The following EMP2 variants were observed in gnomAD, a reference collection of about 807,000 sequenced individuals.
EMP2 encodes the protein epithelial membrane protein 2.
In EMP2, 19 loss-of-function variants were observed where a neutral mutation model predicts 13.7. The ratio of observed to expected loss-of-function variants is 1.38; its 90% CI spans 0.97 to 2.03. EMP2 has a LOEUF of 2.03. EMP2 is among the 30% of genes most tolerant of loss of function. EMP2 has a pLI of 0.00. For synonymous variants in EMP2, 97 were observed against 84.7 expected (o/e 1.15, Z -0.80); for missense variants, 253 against 220.7 (o/e 1.15, Z -0.93).
rs538793925 is a variant in EMP2, at chr16:10,554,684, A to G, written c.-60-7007T>C. On this transcript the variant is annotated intron_variant, in intron 1 of 4. Transcript: ENST00000359543. The stretch of plus-strand genomic sequence containing the variant: ...AAATACAGATCCATCTCCTTCCCCC[A>G]CCACACCCCAACCCCTATGCCTGCC... Among the ~76,000 whole-genome samples, 46 of 151,914 alleles carry G rather than the reference A, an allele frequency of 3.0e-4. No individual in the cohort carries two copies. In the South Asian group the frequency reaches 9.6e-3, roughly 32 times the overall value.
chr16:10,547,512 T>G (rs1292528918), intron 2 of EMP2, 28 bp downstream of exon 2: 1 of 1,613,272 alleles, frequency 6.2e-7, no homozygotes. Context: ...CCCAGGTTTC[T>G]GCGTGAGTGG....
intron 4 of EMP2, among the ~76,000 whole-genome samples, chr16:10,536,787 A>AT (rs992893650): frequency 6.6e-6 from 1 of 151,798 alleles, no homozygotes; most frequent in South Asian, 2.1e-4. Flanking sequence ...TGCTTGGCTA[A>AT]TTTTTTTTCT....
In EMP2 at chr16:10,532,751, C is replaced by CTTTTTTT. The variant is rs375278523; in HGVS notation, c.*153_*154insAAAAAAA. 5.0e-6 allele frequency: 1 copy of CTTTTTTT among 199,578 alleles called. No homozygotes were observed. Among genetic ancestry groups the CTTTTTTT allele is most frequent in the African/African-American group, 7.2e-5 (1 of 13,812 alleles). 12.4% of individuals were successfully genotyped at this position (199,578 alleles called of 1,614,324 possible). On this transcript the variant is annotated 3_prime_UTR_variant, in exon 5 of 5. Coordinates refer to ENST00000359543, the MANE Select transcript of EMP2 (RefSeq NM_001424.6). Reference sequence around the variant, plus strand: ...CTTCTCTCTTTTGGATTTTTTTTTTCTTTTTTCTTTTTTTTTTTTTTTTTT... The same window carrying CTTTTTTT: ...CTTCTCTCTTTTGGATTTTTTTTTTCTTTTTTTTTTTTTCTTTTTTTTTTTTTTTTTT...
At chr16:10,543,681 A>C (rs1210270583) in intron 2 of EMP2, 21 bp from the exon 3 acceptor site, 2 of 1,612,642 alleles carry the variant, frequency 1.2e-6, no homozygotes, top group Non-Finnish European at 1.7e-6. Flanking sequence ...AAATGGAAAT[A>C]GAGAGAAAGG....
intron 1 of EMP2, among the ~76,000 whole-genome samples, chr16:10,552,327 A>G (rs8048261): frequency 0.066 from 10,102 of 152,160 alleles, 1,126 homozygotes; most frequent in African/African-American, 0.23. Context: ...AAAACTTTCT[A>G]GAAAATAATA....
chr16:10,579,583 G>A (rs1443693037), intron 1 of EMP2, among the ~76,000 whole-genome samples: 1 of 152,000 alleles, frequency 6.6e-6, no homozygotes, highest in Non-Finnish European at 1.5e-5. Context: ...TCTACTTTCT[G>A]TCTATAAAAT....
At chr16:10,538,209 G>T in intron 3 of EMP2, 135 bp from the exon 4 acceptor site, 1 of 1,084,924 alleles carries the variant, frequency 9.2e-7, no homozygotes, top group Non-Finnish European at 1.3e-6. Context: ...TCGTCTACAT[G>T]GTCTGAGCAC....
At chr16:10,561,123 G>A (rs2050868269) in intron 1 of EMP2, among the ~76,000 whole-genome samples, 1 of 152,126 alleles carries the variant, frequency 6.6e-6, no homozygotes. Context: ...AAGGGAGGGA[G>A]CCAAGAGAGC....
At chr16:10,554,324 G>A (rs1041357946) in intron 1 of EMP2, among the ~76,000 whole-genome samples, 1 of 152,198 alleles carries the variant, frequency 6.6e-6, no homozygotes, top group African/African-American at 2.4e-5. Flanking sequence ...GAGCCACCGT[G>A]CCCGACCAAG....
At chr16:10,534,336 C>A (rs563231368) in intron 4 of EMP2, among the ~76,000 whole-genome samples, 1 of 152,164 alleles carries the variant, frequency 6.6e-6, no homozygotes, top group African/African-American at 2.4e-5. Flanking sequence ...TTGACGCAGA[C>A]GCTGCTAAAT....
chr16:10,544,970 C>A (rs935922105), intron 2 of EMP2: 1 of 152,300 alleles, frequency 6.6e-6, no homozygotes, highest in African/African-American at 2.4e-5. Flanking sequence ...TCCCTGTGTG[C>A]TTTGGTGGCT....
At chr16:10,540,527 C>CAAATAAATAAATAAAT (rs57593107) in intron 3 of EMP2, among the ~76,000 whole-genome samples, 3 of 150,986 alleles carry the variant, frequency 2.0e-5, no homozygotes, top group South Asian at 2.1e-4. Context: ...AATAAATAAA[C>CAAATAAATAAATAAAT]AAATAAATAA....
chr16:10,578,836 C>T (rs959820830), intron 1 of EMP2, among the ~76,000 whole-genome samples: 1 of 152,262 alleles, frequency 6.6e-6, no homozygotes, highest in Non-Finnish European at 1.5e-5. Context: ...CACCTTCCTG[C>T]CACCTCCACG....
rs1471421827 is a variant in EMP2, at chr16:10,533,041, A to C, written c.368T>G (p.Ile123Ser). 2.5e-6 allele frequency: 4 copies of C among 1,611,138 alleles called. No individual in the cohort carries two copies. The highest frequency in any genetic ancestry group is 3.4e-6 in the Non-Finnish European group (4 of 1,178,652). The change falls in exon 5 of 5, where the codon ATT (isoleucine) becomes AGT (serine). Residue 123 changes from isoleucine (I) to serine (S), a missense_variant. By Grantham distance (142) the Ile-to-Ser change is moderately radical (BLOSUM62 -2). Coordinates refer to ENST00000359543, the MANE Select transcript of EMP2 (RefSeq NM_001424.6). ...ASIYTDRRED[I>S]HDKNAKFYPV... Reference sequence around the variant, plus strand: ...ATAGAATTTCGCGTTTTTGTCGTGAATGTCTTCACGCCTGTCTGTATAAAT... The same window carrying C: ...ATAGAATTTCGCGTTTTTGTCGTGACTGTCTTCACGCCTGTCTGTATAAAT...
chr16:10,573,867 T>A (rs1284833282), intron 1 of EMP2, among the ~76,000 whole-genome samples: 1 of 152,088 alleles, frequency 6.6e-6, no homozygotes, highest in Non-Finnish European at 1.5e-5. Flanking sequence ...CTTCTCCTGG[T>A]TGTTCTTTTT....
chr16:10,565,884 G>A (rs1303689355), intron 1 of EMP2, among the ~76,000 whole-genome samples: 2 of 152,224 alleles, frequency 1.3e-5, no homozygotes, highest in Non-Finnish European at 2.9e-5. Context: ...CCCCTTGCCT[G>A]TCCCACTGGA....
In EMP2 at chr16:10,530,026, A is replaced by G. The variant is rs1361701471; in HGVS notation, c.*2879T>C. 2 of 152,184 alleles carry G rather than the reference A, an allele frequency of 1.3e-5. No homozygotes were observed. Among genetic ancestry groups the G allele is most frequent in the African/African-American group, 4.8e-5 (2 of 41,448 alleles). The allele number at this position is 152,184 out of a possible 1,614,324, so 9.4% of individuals were successfully genotyped here. On this transcript the variant is annotated 3_prime_UTR_variant, in exon 5 of 5. Coordinates refer to ENST00000359543, the MANE Select transcript of EMP2 (RefSeq NM_001424.6). Reference sequence around the variant, plus strand: ...GGGAACTTAAGATTCAACTTCCTCCATGAGCTTGGGTAGCATCCTGTTAAC... The same window carrying G: ...GGGAACTTAAGATTCAACTTCCTCCGTGAGCTTGGGTAGCATCCTGTTAAC...
intron 1 of EMP2, among the ~76,000 whole-genome samples, chr16:10,564,556 T>C (rs2050894489): frequency 6.6e-6 from 1 of 151,062 alleles, no homozygotes; most frequent in Non-Finnish European, 1.5e-5. Flanking sequence ...GGTGGTCTGA[T>C]ATGTGGGCCC....
intron 1 of EMP2, among the ~76,000 whole-genome samples, chr16:10,556,216 C>T (rs11644243): frequency 0.31 from 47,308 of 152,018 alleles, 8,116 homozygotes; most frequent in Non-Finnish European, 0.39. Context: ...CTTTTCTTCC[C>T]TCCATCTTTC....
Sources: gnomAD v4.1 joint callset for allele counts (sites outside exome capture counted in the v4.1 genomes callset) on GRCh38, gnomAD v4.1.1 for gene constraint, MANE v1.5 for transcripts, NCBI Gene and HGNC (gene_info 2026-07-23, HGNC 2026-07-21) for gene names.